SNX29: variants seen among roughly 807,000 people sequenced by gnomAD.
SNX29 encodes the protein sorting nexin-29.
Under a neutral mutation model 102.1 loss-of-function variants are expected in SNX29, and 78 were observed. That is an observed-to-expected ratio of 0.76 (90% confidence interval 0.64 to 0.92). The LOEUF is 0.92. Ranked by LOEUF, SNX29 falls within the 40% of genes least tolerant of loss-of-function variation. The pLI is 0.00. For missense variants in SNX29, 1,280 were observed against 1,061.7 expected, an observed-to-expected ratio of 1.21 and a Z score of -2.86; for synonymous variants, 580 against 414.5, an observed-to-expected ratio of 1.40 and a Z score of -4.85.
chr16:12,492,706 T>C (rs927134476), intron 19 of SNX29, among the ~76,000 whole-genome samples: 2 of 152,210 alleles, frequency 1.3e-5, no homozygotes, highest in African/African-American at 2.4e-5. Context: ...TTAATTTTTG[T>C]ATAAGGTGTA....
intron 20 of SNX29, among the ~76,000 whole-genome samples, chr16:12,548,281 A>C (rs2077736421): frequency 6.6e-6 from 1 of 152,126 alleles, no homozygotes; most frequent in African/African-American, 2.4e-5. Context: ...CCTGACTGGG[A>C]AGGCTGGAAG....
chr16:12,095,793 G>T (rs528957980), intron 11 of SNX29, among the ~76,000 whole-genome samples: 9 of 152,120 alleles, frequency 5.9e-5, no homozygotes, highest in Admixed American at 3.9e-4. Context: ...CTTTTAATTT[G>T]TTAGAGCTTT....
intron 20 of SNX29, among the ~76,000 whole-genome samples, chr16:12,555,838 A>AC (rs760887517): frequency 2.6e-4 from 40 of 151,514 alleles, no homozygotes; most frequent in African/African-American, 4.4e-4. Context: ...TGACTGACCA[A>AC]CCCCCCTCAC....
chr16:12,280,332 A>G (rs973750187), intron 15 of SNX29, among the ~76,000 whole-genome samples: 1 of 152,116 alleles, frequency 6.6e-6, no homozygotes, highest in Non-Finnish European at 1.5e-5. Context: ...TGAAAATCTC[A>G]TCCCCTGCTG....
intron 8 of SNX29, 34 bp from the exon 9 acceptor site, chr16:12,061,494 T>C (rs1257240352): frequency 8.4e-6 from 13 of 1,542,464 alleles, no homozygotes; most frequent in African/African-American, 1.4e-5. Flanking sequence ...GTGGGCTCTT[T>C]GGCCTGTCCT....
chr16:12,102,408 C>T (rs2053061330), intron 11 of SNX29, among the ~76,000 whole-genome samples: 1 of 152,334 alleles, frequency 6.6e-6, no homozygotes, highest in East Asian at 1.9e-4. Context: ...TTCTATTACT[C>T]CACATCCTCT....
In SNX29 at chr16:12,369,085, C is replaced by G. The variant is rs552122616; in HGVS notation, c.1899+12806C>G. ...TCACCTCTCCCACAGGGAGTAATCT[C>G]AAGACCCTGGTTCTTTGCTCCTGCC... On this transcript the variant is annotated intron_variant, in intron 16 of 20. Coordinates refer to ENST00000566228, the MANE Select transcript of SNX29 (RefSeq NM_032167.5). Among the ~76,000 whole-genome samples, 35 of 152,230 alleles carry G rather than the reference C, an allele frequency of 2.3e-4. 1 individual carries two copies. In the South Asian group the frequency reaches 6.9e-3, roughly 30 times the overall value.
chr16:12,096,071 A>G lies in SNX29; in HGVS notation c.1402+17156A>G, dbSNP rs1331411147. Among the ~76,000 whole-genome samples, 2 of 152,240 alleles carry G rather than the reference A, an allele frequency of 1.3e-5. No individual in the cohort carries two copies. The highest frequency in any genetic ancestry group is 2.9e-5 in the Non-Finnish European group (2 of 68,046). On this transcript the variant is annotated intron_variant, in intron 11 of 20. Transcript: ENST00000566228. This position sits in a 1 kb window ranked among gnomAD's most constrained non-coding sequence, Gnocchi z 4.2. ...GCTAAGGGCTTCATGATAAAATTTT[A>G]GGATGAGATGGTGGGGCAGTGGCCG...
chr16:12,572,885 C>CTTGGCATTT lies in SNX29; in HGVS notation c.*4257_*4265dup. Reference sequence around the variant, plus strand: ...AAGGTAATGATTGTCTTGACTCTGCCTTGGCATTTCGCTCGGAATCACGGC... The same window carrying CTTGGCATTT: ...AAGGTAATGATTGTCTTGACTCTGCCTTGGCATTTTTGGCATTTCGCTCGGAATCACGGC... On this transcript the variant is annotated 3_prime_UTR_variant, in exon 21 of 21. Coordinates refer to ENST00000566228, the MANE Select transcript of SNX29 (RefSeq NM_032167.5). The CTTGGCATTT allele has an allele frequency of 9.5e-7, 1 of 1,055,808 alleles. No homozygotes were observed. The allele number at this position is 1,055,808 out of a possible 1,614,324, so 65.4% of individuals were successfully genotyped here. A position where few individuals can be genotyped will look rare whatever the true frequency, so the allele number is the denominator to read the frequency against.
At chr16:12,129,806 A>G (rs763228551) in intron 13 of SNX29, 48 bp downstream of exon 13, 1 of 1,548,748 alleles carries the variant, frequency 6.5e-7, no homozygotes, top group Admixed American at 1.9e-5. Context: ...GGGCTTCATT[A>G]AAACCTGAGC....
At chr16:11,988,358 T>C (rs1394106466) in intron 1 of SNX29, among the ~76,000 whole-genome samples, 1 of 152,160 alleles carries the variant, frequency 6.6e-6, no homozygotes, top group Non-Finnish European at 1.5e-5. Flanking sequence ...GTGGTAGTTA[T>C]TAATAGGCAT....
At chr16:12,346,729 A>G (rs2081821516) in intron 15 of SNX29, among the ~76,000 whole-genome samples, 1 of 152,082 alleles carries the variant, frequency 6.6e-6, no homozygotes, top group Admixed American at 6.5e-5. Context: ...TTGCTCACCA[A>G]CCACCAGGAA....
At chr16:12,230,460 C>G (rs1413989934) in intron 14 of SNX29, among the ~76,000 whole-genome samples, 1 of 152,186 alleles carries the variant, frequency 6.6e-6, no homozygotes, top group Non-Finnish European at 1.5e-5. Context: ...AACGAACCCT[C>G]TTGCTTTGGT....
chr16:12,541,049 C>T (rs575118185), intron 20 of SNX29, among the ~76,000 whole-genome samples: 1 of 152,252 alleles, frequency 6.6e-6, no homozygotes, highest in African/African-American at 2.4e-5. Context: ...AGTCTGGCTG[C>T]TATTTAGTTT....
In SNX29 at chr16:12,129,484, C is replaced by T. The variant is rs911531128; in HGVS notation, c.1467-146C>T. ...CAATTAGAGTTTGCTATCTCCAGTT[C>T]ACATGAGATAGACTTGAATTATGGT... On this transcript the variant is annotated intron_variant, in intron 12 of 20. Transcript: ENST00000566228. The T allele has an allele frequency of 1.4e-5, 15 of 1,054,886 alleles. No individual in the cohort carries two copies. The African/African-American group carries it at 2.3e-4, about 16-fold the overall frequency. The allele number at this position is 1,054,886 out of a possible 1,614,324, so 65.3% of individuals were successfully genotyped here.
intron 11 of SNX29, among the ~76,000 whole-genome samples, chr16:12,123,466 C>T (rs2054064673): frequency 6.6e-6 from 1 of 152,122 alleles, no homozygotes; most frequent in Admixed American, 6.6e-5. Context: ...CATGTACATA[C>T]ATATACATAT....
rs550030795 is a variant in SNX29 at position 12,356,578 on chromosome 16, T to A, written c.1899+299T>A. Among the ~76,000 whole-genome samples the A allele has an allele frequency of 1.2e-4, 19 of 152,362 alleles. No homozygotes were observed. In the East Asian group the frequency reaches 3.7e-3, roughly 29 times the overall value. On this transcript the variant is annotated intron_variant, in intron 16 of 20. Transcript: ENST00000566228. ...CCATACTTTACTACATGGGTAAATTTCCATGAGCAGTAAACAGTCTTGGTT... is the reference window on the plus strand; with the variant it reads ...CCATACTTTACTACATGGGTAAATTACCATGAGCAGTAAACAGTCTTGGTT...
intron 13 of SNX29, among the ~76,000 whole-genome samples, chr16:12,173,559 GCT>G (rs1057432182): frequency 9.8e-5 from 15 of 152,286 alleles, no homozygotes; most frequent in African/African-American, 3.6e-4. Context: ...CCAAATTCTA[GCT>G]CTCTCTCATT....
intron 16 of SNX29, among the ~76,000 whole-genome samples, chr16:12,394,549 G>C (rs2083651498): frequency 6.6e-6 from 1 of 152,222 alleles, no homozygotes; most frequent in African/African-American, 2.4e-5. Flanking sequence ...ACTGGGCTCA[G>C]CTGGGTGGTT....
Sources: allele counts gnomAD v4.1 joint callset (sites outside exome capture counted in the v4.1 genomes callset), GRCh38; gene constraint gnomAD v4.1.1; non-coding constraint Gnocchi (gnomAD v3.1); transcripts MANE v1.5; gene names NCBI Gene and HGNC (gene_info 2026-07-23, HGNC 2026-07-21).